The following PIK3C2G variants were observed in gnomAD, a reference collection of about 807,000 sequenced individuals.
PIK3C2G encodes phosphatidylinositol 3-kinase C2 domain-containing subunit gamma.
In PIK3C2G, 168 loss-of-function variants were observed where a neutral mutation model predicts 181.1. The ratio of observed to expected loss-of-function variants is 0.93; its 90% CI spans 0.82 to 1.05. The LOEUF is 1.05. Among genes scored for constraint, PIK3C2G ranks in the 50% least tolerant of loss-of-function variants. The pLI is 0.00. For missense variants in PIK3C2G, 1,869 were observed against 1,732.8 expected (o/e 1.08, Z -1.40); for synonymous variants, 573 against 592.2 (o/e 0.97, Z 0.47).
chr12:18,274,481 T>A (rs1591800408), intron 1 of PIK3C2G, among the ~76,000 whole-genome samples: 1 of 152,110 alleles, frequency 6.6e-6, no homozygotes. Flanking sequence ...CCATAAAAAA[T>A]GATGAGTTCA....
At chr12:18,323,176 G>A (rs1951185010) in intron 7 of PIK3C2G, among the ~76,000 whole-genome samples, 4 of 152,120 alleles carry the variant, frequency 2.6e-5, no homozygotes, top group Admixed American at 2.6e-4. Context: ...TTGATGGCCA[G>A]TGTGCAGTTG....
chr12:18,347,824 A>C (rs1939819793), intron 11 of PIK3C2G, among the ~76,000 whole-genome samples: 1 of 152,108 alleles, frequency 6.6e-6, no homozygotes, highest in African/African-American at 2.4e-5. Flanking sequence ...TCTCAAAAAA[A>C]AAGAAAAAAA....
At chr12:18,419,616 C>T (rs1945364232) in intron 16 of PIK3C2G, among the ~76,000 whole-genome samples, 1 of 152,156 alleles carries the variant, frequency 6.6e-6, no homozygotes, top group Non-Finnish European at 1.5e-5. Flanking sequence ...CAATACTTCA[C>T]CAAATGTGTC....
chr12:18,454,531 C>T (rs769824664), intron 18 of PIK3C2G, among the ~76,000 whole-genome samples: 3 of 152,110 alleles, frequency 2.0e-5, no homozygotes, highest in Non-Finnish European at 4.4e-5. Context: ...AAAGATCATG[C>T]AGGGTCTTGT....
At chr12:18,294,516 G>A (rs1949850791) in intron 5 of PIK3C2G, among the ~76,000 whole-genome samples, 1 of 151,878 alleles carries the variant, frequency 6.6e-6, no homozygotes, top group African/African-American at 2.4e-5. Context: ...TTATGGAAGA[G>A]TAAGTTCTAA....
intron 18 of PIK3C2G, among the ~76,000 whole-genome samples, chr12:18,456,422 T>A (rs1333575814): frequency 6.6e-6 from 1 of 152,034 alleles, no homozygotes; most frequent in East Asian, 1.9e-4. Flanking sequence ...CCCAAGTGGG[T>A]CTTCCAGTTT....
the PIK3C2G span, among the ~76,000 whole-genome samples, chr12:18,679,759 G>C: frequency 2.0e-5 from 3 of 151,994 alleles, no homozygotes; most frequent in African/African-American, 7.2e-5. Context: ...GACTGAAAGT[G>C]TGAAAGTTAA....
intron 3 of PIK3C2G, among the ~76,000 whole-genome samples, chr12:18,287,275 C>T (rs888804658): frequency 1.8e-4 from 28 of 151,914 alleles, no homozygotes; most frequent in African/African-American, 5.6e-4. Flanking sequence ...CCCAAATTAA[C>T]ACAAACTTAT....
In PIK3C2G at chr12:18,373,018, C is replaced by T. The variant is rs373745626; in HGVS notation, c.1880+1707C>T. 4.0e-3 allele frequency among the ~76,000 whole-genome samples: 601 copies of T among 151,750 alleles called. 1 individual carries two copies. Among genetic ancestry groups the T allele is most frequent in the African/African-American group, 0.014 (563 of 41,426 alleles). On this transcript the variant is annotated intron_variant, in intron 13 of 32. Transcript: ENST00000538779. ...ACAATAAGGATTTCTAAACATTTTT[C>T]AAAAAAAACCTGTTTCTCTTGAAAA...
At chr12:18,475,694 A>T (rs897416908) in intron 18 of PIK3C2G, among the ~76,000 whole-genome samples, 2 of 152,128 alleles carry the variant, frequency 1.3e-5, no homozygotes, top group Admixed American at 6.6e-5. Context: ...TCAAATATAA[A>T]TTAAGTTTAA....
chr12:18,706,008 C>G, the PIK3C2G span, among the ~76,000 whole-genome samples: 6 of 152,032 alleles, frequency 3.9e-5, no homozygotes, highest in African/African-American at 1.4e-4. Context: ...GGGTGGATCA[C>G]CTGGGGTCAG....
chr12:18,245,126 T>C (rs1036489053), upstream of PIK3C2G, among the ~76,000 whole-genome samples: 7 of 151,978 alleles, frequency 4.6e-5, no homozygotes, highest in Non-Finnish European at 1.0e-4. Context: ...GAAGCCTCAA[T>C]TGAGGAATTA....
At chr12:18,551,273 G>C (rs765356407) in intron 26 of PIK3C2G, among the ~76,000 whole-genome samples, 21 of 152,036 alleles carry the variant, frequency 1.4e-4, no homozygotes, top group Admixed American at 4.6e-4. Context: ...TCTCTGCAGA[G>C]ACCACTGCTA....
intron 22 of PIK3C2G, among the ~76,000 whole-genome samples, chr12:18,498,091 T>C (rs765868239): frequency 6.7e-6 from 1 of 150,340 alleles, no homozygotes; most frequent in Non-Finnish European, 1.5e-5. Flanking sequence ...AAGAATACAA[T>C]TGTTACTTAT....
rs1043446890 is a variant in PIK3C2G at position 18,381,103 on chromosome 12, A to T, written c.1881-663A>T. Among the ~76,000 whole-genome samples, 15 of 152,230 alleles carry T rather than the reference A, an allele frequency of 9.9e-5. No individual in the cohort carries two copies. In the East Asian group the frequency reaches 2.9e-3, roughly 29 times the overall value. On this transcript the variant is annotated intron_variant, in intron 13 of 32. Transcript: ENST00000538779. ...GGATCTGTGGATTTGGATGTTACTGAAGCTGTTAAAACCATCCACAAACTC... is the reference window on the plus strand; with the variant it reads ...GGATCTGTGGATTTGGATGTTACTGTAGCTGTTAAAACCATCCACAAACTC...
At chr12:18,398,991 C>A (rs1420671202) in intron 15 of PIK3C2G, among the ~76,000 whole-genome samples, 1 of 151,532 alleles carries the variant, frequency 6.6e-6, no homozygotes, top group Non-Finnish European at 1.5e-5. Context: ...GTCAGGAGAT[C>A]GAGACCATCC....
chr12:18,319,553 A>T (rs986940689), intron 6 of PIK3C2G, among the ~76,000 whole-genome samples: 1 of 152,168 alleles, frequency 6.6e-6, no homozygotes, highest in Non-Finnish European at 1.5e-5. Context: ...TAAATTAAAA[A>T]ATTTTTCTAG....
intron 13 of PIK3C2G, among the ~76,000 whole-genome samples, chr12:18,376,201 C>T (rs1457900292): frequency 6.6e-6 from 1 of 152,200 alleles, no homozygotes; most frequent in Non-Finnish European, 1.5e-5. Flanking sequence ...ACAATCTCAG[C>T]ATAGAAAAGC....
chr12:18,651,281 T>A (rs1050748835), downstream of PIK3C2G, among the ~76,000 whole-genome samples: 8 of 152,068 alleles, frequency 5.3e-5, no homozygotes, highest in African/African-American at 1.9e-4. Context: ...TCTCAAATCC[T>A]GCTCAGATGT....
Sources: allele counts gnomAD v4.1 joint callset (sites outside exome capture counted in the v4.1 genomes callset), GRCh38; gene constraint gnomAD v4.1.1; transcripts MANE v1.5; gene names NCBI Gene and HGNC (gene_info 2026-07-23, HGNC 2026-07-21).